PHF19: variants seen among roughly 807,000 people sequenced by gnomAD.
The protein encoded by PHF19 is PHD finger protein 19, also known as polycomb like 3.
A neutral mutation model predicts 79.8 loss-of-function variants in PHF19; 21 were observed. The observed-to-expected ratio is 0.26, with a 90% CI of 0.19 to 0.38. The LOEUF (loss-of-function observed/expected upper bound fraction) is 0.38, where lower values mean the gene tolerates loss of function less well. PHF19 is among the 10% of genes least tolerant of loss of function. The probability of loss-of-function intolerance (pLI) is 1.00; values close to 1 mark genes in which losing one functional copy is unlikely to be tolerated. For missense variants in PHF19, 445 were observed against 744.2 expected (o/e 0.60, Z 4.68); for synonymous variants, 273 against 296.3 (o/e 0.92, Z 0.81).
In PHF19 at chr9:120,870,061, A is replaced by G; in HGVS notation, c.365-116T>C. On this transcript the variant is annotated intron_variant, in intron 4 of 14. Coordinates refer to ENST00000373896, the MANE Select transcript of PHF19 (RefSeq NM_015651.3). This position sits in a 1 kb window ranked among gnomAD's most constrained non-coding sequence, Gnocchi z 4.4. ...GGAAGTCCTAGGAGCTCTGCCTGCC[A>G]GCTGCCGGGAGCCTGGCTGCTGGTG... 2.1e-6 allele frequency: 3 copies of G among 1,425,514 alleles called. No individual in the cohort carries two copies. The highest frequency in any genetic ancestry group is 2.8e-6 in the Non-Finnish European group (3 of 1,069,454). 88.3% of individuals were successfully genotyped at this position (1,425,514 alleles called of 1,614,324 possible). A position where few individuals can be genotyped will look rare whatever the true frequency, so the allele number is the denominator to read the frequency against.
rs1263712364 is a variant in PHF19 at position 120,860,392 on chromosome 9, C to T, written c.1305-207G>A. ...TCAAAAAAACCTCCTGGAGCACCCT[C>T]CCCTGGCGGTGACGTAAGCACTGGT... On this transcript the variant is annotated intron_variant, in intron 13 of 14. Transcript: ENST00000373896. This position sits in a 1 kb window ranked among gnomAD's most constrained non-coding sequence, Gnocchi z 4.1. The T allele has an allele frequency of 5.4e-6, 3 of 551,700 alleles. No homozygotes were observed. The highest frequency in any genetic ancestry group is 6.6e-6 in the Non-Finnish European group (2 of 305,336). The allele number at this position is 551,700 out of a possible 1,614,324, so 34.2% of individuals were successfully genotyped here. A position where few individuals can be genotyped will look rare whatever the true frequency, so the allele number is the denominator to read the frequency against.
chr9:120,858,378 A>T (rs1206487423), intron 14 of PHF19, 92 bp from the exon 15 acceptor site: 22 of 986,768 alleles, frequency 2.2e-5, no homozygotes, highest in Non-Finnish European at 3.1e-5. Flanking sequence ...AGTACCAGGA[A>T]AGTGGAAGAG....
At chr9:120,898,890 C>T (rs1280194731), upstream of PHF19, among the ~76,000 whole-genome samples, 2 of 152,150 alleles carry the variant, frequency 1.3e-5, no homozygotes, top group Non-Finnish European at 2.9e-5. Context: ...CTAAGCACTC[C>T]ATGATTGTTT....
At chr9:120,878,047 AG>A (rs1270133162), upstream of PHF19, among the ~76,000 whole-genome samples, 4 of 152,212 alleles carry the variant, frequency 2.6e-5, no homozygotes, top group African/African-American at 9.6e-5. Context: ...TGCCAGGTGG[AG>A]GGAATTCAGT....
rs2045472502 is a variant in PHF19, at chr9:120,860,018, G to A, written c.1400+72C>T. The A allele has an allele frequency of 3.8e-6, 3 of 779,982 alleles. No individual in the cohort carries two copies. The allele number at this position is 779,982 out of a possible 1,614,324, so 48.3% of individuals were successfully genotyped here. On this transcript the variant is annotated intron_variant, in intron 14 of 14. Transcript: ENST00000373896. This position sits in a 1 kb window ranked among gnomAD's most constrained non-coding sequence, Gnocchi z 4.1. ...ATAGAATGAGCCACACATTACAGAA[G>A]TGGGAGGTGGAGGGGCTGAGAGGAA...
At chr9:120,897,230 C>T (rs982300589), upstream of PHF19, among the ~76,000 whole-genome samples, 33 of 152,368 alleles carry the variant, frequency 2.2e-4, no homozygotes, top group African/African-American at 6.7e-4. Context: ...GGCTGGCCCA[C>T]GCCCAGCAAG....
In PHF19 at chr9:120,870,462, G is replaced by T; in HGVS notation, c.345C>A (p.Ile115=). 4 of 1,611,958 alleles carry T rather than the reference G, an allele frequency of 2.5e-6. No individual in the cohort carries two copies. Among genetic ancestry groups the T allele is most frequent in the Non-Finnish European group, 3.4e-6 (4 of 1,177,978 alleles). Residue 115 remains isoleucine (I), a synonymous_variant, in exon 4 of 15, where the codon ATC becomes ATA. Coordinates refer to ENST00000373896, the MANE Select transcript of PHF19 (RefSeq NM_015651.3). The surrounding 1 kb of genome is among the most constrained non-coding windows in gnomAD (Gnocchi z 4.4). The part of the protein sequence containing the change: ...KTSGPLNEIL[I]CGKCGLGYHQ... The stretch of plus-strand genomic sequence containing the variant: ...ACTCACCCAGGCCACACTTCCCGCA[G>T]ATGAGGATCTCATTCAGCGGCCCTG...
chr9:120,860,757 G>A lies in PHF19; in HGVS notation c.1304+332C>T, dbSNP rs1406786188. Among the ~76,000 whole-genome samples the A allele has an allele frequency of 1.3e-5, 2 of 152,176 alleles. No homozygotes were observed. The highest frequency in any genetic ancestry group is 2.9e-5 in the Non-Finnish European group (2 of 68,032). On this transcript the variant is annotated intron_variant, in intron 13 of 14. Transcript: ENST00000373896. This position sits in a 1 kb window ranked among gnomAD's most constrained non-coding sequence, Gnocchi z 4.1. ...GCACAGCCTGGGGAGGGTTAGTAAA[G>A]CCTTCCTGGAAGAAGCAGGGTCCTG... is the stretch of plus-strand genomic sequence containing the variant.
rs1416317996 is a variant in PHF19 at position 120,856,356 on chromosome 9, A to G, written c.*1588T>C. 1 of 152,638 alleles carries G rather than the reference A, an allele frequency of 6.6e-6. No homozygotes were observed. The highest frequency in any genetic ancestry group is 1.5e-5 in the Non-Finnish European group (1 of 68,072). 9.5% of individuals were successfully genotyped at this position (152,638 alleles called of 1,614,324 possible). ...AGAGGGGTCAGGCCTAGCAATGGAA[A>G]AACAGCTCCTGCAGGCCTGCTGCCC... On this transcript the variant is annotated 3_prime_UTR_variant, in exon 15 of 15. Transcript: ENST00000373896.
rs1195985721 is a variant in PHF19, at chr9:120,861,157, G to A, written c.1236C>T (p.Ala412=). 2.5e-6 allele frequency: 4 copies of A among 1,603,902 alleles called. No individual in the cohort carries two copies. Among genetic ancestry groups the A allele is most frequent in the Non-Finnish European group, 3.4e-6 (4 of 1,170,728 alleles). The change falls in exon 13 of 15, where the codon GCC becomes GCT. Residue 412 remains alanine (A), a synonymous_variant. Coordinates refer to ENST00000373896, the MANE Select transcript of PHF19 (RefSeq NM_015651.3). ...TAGCCAGGTGGTGGTTGGTGCTCCA[G>A]GCTGAGGTGAAGTCACTCTGTGGAC... ...DAIPSSDFTS[A]WSTNHHLASI... is the part of the protein sequence containing the mutation.
At chr9:120,877,401 C>T, upstream of PHF19, 1 of 974,778 alleles carries the variant, frequency 1.0e-6, no homozygotes, top group Non-Finnish European at 1.2e-6. Context: ...CCATTGGAGC[C>T]CGCGGCCGCC....
At chr9:120,882,816 T>G (rs2046205626) in intron 1 of PHF19, among the ~76,000 whole-genome samples, 1 of 128,934 alleles carries the variant, frequency 7.8e-6, no homozygotes, top group Admixed American at 9.5e-5. Flanking sequence ...CACTCCAGCC[T>G]GGGTGACAAG....
intron 1 of PHF19, among the ~76,000 whole-genome samples, chr9:120,894,528 A>T (rs1003343017): frequency 6.6e-6 from 1 of 150,764 alleles, no homozygotes; most frequent in African/African-American, 2.4e-5. Context: ...GACGCCTCCC[A>T]CCCGCCTCGT....
upstream of PHF19, among the ~76,000 whole-genome samples, chr9:120,881,149 G>GTTTTT (rs1182115413): frequency 7.5e-6 from 1 of 133,666 alleles, no homozygotes. Flanking sequence ...TCGGGGGTTT[G>GTTTTT]TTTTTTTTTT....
chr9:120,893,665 T>A (rs2046369829), intron 1 of PHF19, among the ~76,000 whole-genome samples: 1 of 152,200 alleles, frequency 6.6e-6, no homozygotes, highest in Non-Finnish European at 1.5e-5. Flanking sequence ...GCACACGTCA[T>A]GCAGTGCACA....
At chr9:120,900,593 G>T in the PHF19 span, among the ~76,000 whole-genome samples, 1 of 151,948 alleles carries the variant, frequency 6.6e-6, no homozygotes, top group African/African-American at 2.4e-5. Context: ...TTTGGACAGG[G>T]TCTTGCTCTG....
rs1186455893 is a variant in PHF19, at chr9:120,857,717, A to C, written c.*227T>G. On this transcript the variant is annotated 3_prime_UTR_variant, in exon 15 of 15. Coordinates refer to ENST00000373896, the MANE Select transcript of PHF19 (RefSeq NM_015651.3). Reference sequence around the variant, plus strand: ...GTTTGAGGGGGTGTGGAGTGTGTAGAGACACAGGCACAGGGGTAACGAGCC... The same window carrying C: ...GTTTGAGGGGGTGTGGAGTGTGTAGCGACACAGGCACAGGGGTAACGAGCC... The C allele has an allele frequency of 8.0e-6, 4 of 499,614 alleles. No homozygotes were observed. The highest frequency in any genetic ancestry group is 1.4e-5 in the Non-Finnish European group (4 of 282,474). The allele number at this position is 499,614 out of a possible 1,614,324, so 30.9% of individuals were successfully genotyped here.
chr9:120,894,805 G>A, exon 1 of PHF19: 1 of 1,230,528 alleles, frequency 8.1e-7, no homozygotes. Context: ...CTGGGATAGG[G>A]ACCACGGATT....
At chr9:120,878,759 C>G (rs2046132187), upstream of PHF19, among the ~76,000 whole-genome samples, 1 of 152,246 alleles carries the variant, frequency 6.6e-6, no homozygotes, top group Non-Finnish European at 1.5e-5. Context: ...CTGCCTGAAC[C>G]TGGAAGGAAA....
Sources: gnomAD v4.1 joint callset for allele counts (sites outside exome capture counted in the v4.1 genomes callset) on GRCh38, gnomAD v4.1.1 for gene constraint, Gnocchi (gnomAD v3.1) non-coding constraint, MANE v1.5 for transcripts, NCBI Gene and HGNC (gene_info 2026-07-23, HGNC 2026-07-21) for gene names.